AP3B2: variants seen among roughly 807,000 people sequenced by gnomAD.
AP3B2 encodes the protein adaptor related protein complex 3 subunit beta 2.
Under a neutral mutation model 126.9 loss-of-function variants are expected in AP3B2, and 50 were observed. The observed-to-expected ratio is 0.39, with a 90% CI of 0.31 to 0.50. AP3B2 has a LOEUF of 0.50. AP3B2 is among the 20% of genes least tolerant of loss of function. The pLI, the probability that AP3B2 is intolerant of heterozygous loss-of-function variation, is 0.79. For missense variants in AP3B2, 1,177 were observed against 1,426.4 expected, an observed-to-expected ratio of 0.83 and a Z score of 2.82; for synonymous variants, 541 against 565.0, an observed-to-expected ratio of 0.96 and a Z score of 0.60.
chr15:82,697,321 G>A (rs761604547), intron 1 of AP3B2, among the ~76,000 whole-genome samples: 10 of 151,930 alleles, frequency 6.6e-5, no homozygotes, highest in Non-Finnish European at 1.3e-4. Flanking sequence ...GCAACAGAAC[G>A]AGACTCCATC....
chr15:82,693,705 G>T (rs996030141), intron 1 of AP3B2, among the ~76,000 whole-genome samples: 6 of 151,918 alleles, frequency 3.9e-5, no homozygotes, highest in Admixed American at 3.9e-4. Flanking sequence ...TAATTGGTAC[G>T]TTTTTGTTTT....
chr15:82,680,039 C>G lies in AP3B2; in HGVS notation c.1110+136G>C. On this transcript the variant is annotated intron_variant, in intron 9 of 26. Transcript: ENST00000535359. This position sits in a 1 kb window ranked among gnomAD's most constrained non-coding sequence, Gnocchi z 6.1. ...TCCCTATCTGTATTTGGAGCCTCCC[C>G]TGCCCCATCCTCTGCACAGCCAGGG... The G allele has an allele frequency of 7.7e-7, 1 of 1,292,090 alleles. No individual in the cohort carries two copies. Among genetic ancestry groups the G allele is most frequent in the East Asian group, 2.5e-5 (1 of 40,038 alleles). 80.0% of individuals were successfully genotyped at this position (1,292,090 alleles called of 1,614,324 possible).
chr15:82,691,888 G>A, intron 1 of AP3B2: 1 of 1,267,518 alleles, frequency 7.9e-7, no homozygotes, highest in Admixed American at 1.7e-5. Flanking sequence ...GGAATTTAGT[G>A]TCATCCAATT....
intron 4 of AP3B2, chr15:82,686,351 A>G (rs1390645311): frequency 6.6e-6 from 1 of 152,236 alleles, no homozygotes; most frequent in Non-Finnish European, 1.5e-5. Context: ...CTGGATTGAA[A>G]TGATTGGTTC....
chr15:82,689,349 G>A (rs527584345), intron 2 of AP3B2, 29 bp downstream of exon 2: 36 of 1,612,892 alleles, frequency 2.2e-5, no homozygotes, highest in African/African-American at 6.7e-5. Context: ...GGCCCCGCCC[G>A]GAGGGAGGCC....
Position 82,665,310 on chromosome 15 carries a change from G to A in AP3B2, c.1972-7C>T. 2 of 1,572,758 alleles carry A rather than the reference G, an allele frequency of 1.3e-6. No homozygotes were observed. Among genetic ancestry groups the A allele is most frequent in the Non-Finnish European group, 1.7e-6 (2 of 1,166,874 alleles). ...TAAGGGAGAGATCTTCTTCCTGTGT[G>A]TGTGGGGGAGGGTGTTAGGAGGGCT... On this transcript the variant is annotated splice_polypyrimidine_tract_variant and splice_region_variant and intron_variant, in intron 16 of 26. Coordinates refer to ENST00000535359, the MANE Select transcript of AP3B2 (RefSeq NM_001278512.2). This position sits in a 1 kb window ranked among gnomAD's most constrained non-coding sequence, Gnocchi z 4.4.
In AP3B2 at chr15:82,704,826, C is replaced by CGGA. The variant is rs1022371924; in HGVS notation, c.113+4765_113+4767dup. 1.7e-3 allele frequency among the ~76,000 whole-genome samples: 258 copies of CGGA among 152,352 alleles called. 1 individual carries two copies. Among genetic ancestry groups the CGGA allele is most frequent in the African/African-American group, 6.1e-3 (252 of 41,576 alleles). On this transcript the variant is annotated intron_variant, in intron 1 of 26. Coordinates refer to ENST00000535359, the MANE Select transcript of AP3B2 (RefSeq NM_001278512.2). ...AAGTCCGTCCCCTTCTTAATCAATACGGAGGCTACCAACTCCACATTACCT... is the reference window on the plus strand; with the variant it reads ...AAGTCCGTCCCCTTCTTAATCAATACGGAGGAGGCTACCAACTCCACATTACCT...
At position 82,688,786 on chromosome 15, in the gene AP3B2, G is replaced by A; in HGVS notation, c.310C>T (p.Gln104Ter). 1 of 1,613,122 alleles carries A rather than the reference G, an allele frequency of 6.2e-7. No individual in the cohort carries two copies. The highest frequency in any genetic ancestry group is 8.5e-7 in the Non-Finnish European group (1 of 1,179,570). ...ATGGACAGCAGGGCCAGGTCTTGCTGCTCCTCAGCGTAGCGTACCAGGTAC... is the reference window on the plus strand; with the variant it reads ...ATGGACAGCAGGGCCAGGTCTTGCTACTCCTCAGCGTAGCGTACCAGGTAC... The part of the protein sequence containing the change: ...YVYLVRYAEE[Q>*]QDLALLSIST... The change falls in exon 4 of 27, where the codon CAG becomes TAG. Residue 104 changes from glutamine (Q) to a stop codon, truncating the protein, a stop_gained. Coordinates refer to ENST00000535359, the MANE Select transcript of AP3B2 (RefSeq NM_001278512.2). LOFTEE classifies it high-confidence loss of function.
intron 14 of AP3B2, among the ~76,000 whole-genome samples, chr15:82,673,477 G>C (rs113854764): frequency 6.6e-6 from 1 of 152,224 alleles, no homozygotes; most frequent in Non-Finnish European, 1.5e-5. Flanking sequence ...GGCTCCCAAA[G>C]TGCTGGGATT....
intron 1 of AP3B2, among the ~76,000 whole-genome samples, chr15:82,707,988 TTTATG>T (rs2048823508): frequency 6.6e-6 from 1 of 152,044 alleles, no homozygotes; most frequent in Non-Finnish European, 1.5e-5. Flanking sequence ...TCAACACTAT[TTTATG>T]TTATTTTTCT....
chr15:82,704,404 T>C (rs996907859), intron 1 of AP3B2, among the ~76,000 whole-genome samples: 1 of 151,906 alleles, frequency 6.6e-6, no homozygotes, highest in Non-Finnish European at 1.5e-5. Context: ...TTCTGAGTTG[T>C]AGTTCCTTGC....
At chr15:82,695,164 A>G (rs1230592708) in intron 1 of AP3B2, among the ~76,000 whole-genome samples, 1 of 149,306 alleles carries the variant, frequency 6.7e-6, no homozygotes, top group Non-Finnish European at 1.5e-5. Context: ...CAGTGAGGCA[A>G]TCTCGGCTCA....
At chr15:82,694,489 A>G (rs1010329926) in intron 1 of AP3B2, among the ~76,000 whole-genome samples, 4 of 152,104 alleles carry the variant, frequency 2.6e-5, no homozygotes, top group African/African-American at 9.6e-5. Flanking sequence ...AGTTGGGACC[A>G]GCCTGGACAA....
chr15:82,698,313 A>G (rs2048661764), intron 1 of AP3B2, among the ~76,000 whole-genome samples: 1 of 151,442 alleles, frequency 6.6e-6, no homozygotes. Flanking sequence ...CACACAACTC[A>G]CCTACACACC....
intron 26 of AP3B2, 42 bp downstream of exon 26, chr15:82,659,803 G>A: frequency 6.2e-7 from 1 of 1,609,940 alleles, no homozygotes. Flanking sequence ...TCAAACCAGG[G>A]CCCCCATGCT....
intron 1 of AP3B2, among the ~76,000 whole-genome samples, chr15:82,707,892 TC>T (rs2061277274): frequency 1.3e-5 from 2 of 151,992 alleles, no homozygotes; most frequent in Admixed American, 1.3e-4. Context: ...GCCACCCCAA[TC>T]CCGCTCGAAG....
intron 10 of AP3B2, 71 bp from the exon 11 acceptor site, chr15:82,678,238 T>C: frequency 3.6e-6 from 5 of 1,405,188 alleles, no homozygotes; most frequent in Non-Finnish European, 5.0e-6. Flanking sequence ...TCATTCCAAA[T>C]ACACTTCATA....
At position 82,709,640 on chromosome 15, in the gene AP3B2, C is replaced by G; in HGVS notation, c.67G>C (p.Gly23Arg). Residue 23 changes from glycine to arginine, a missense_variant, in exon 1 of 27, where the codon GGC becomes CGC. Physicochemically the swap from Gly to Arg is moderately radical, Grantham distance 125. Coordinates refer to ENST00000535359, the MANE Select transcript of AP3B2 (RefSeq NM_001278512.2). ...ATGCCGCCGCTCGCGGGGTCGTGGC[C>G]GTACTCGGGCTCCCCGGGGCCAGCG... ...GSAGPGEPEYGHDPASGGIFS... is the reference protein window; with the variant it reads ...GSAGPGEPEYRHDPASGGIFS... 6.6e-7 allele frequency: 1 copy of G among 1,521,362 alleles called. No homozygotes were observed. The highest frequency in any genetic ancestry group is 8.8e-7 in the Non-Finnish European group (1 of 1,137,562). The allele number at this position is 1,521,362 out of a possible 1,614,324, so 94.2% of individuals were successfully genotyped here. A position where few individuals can be genotyped will look rare whatever the true frequency, so the allele number is the denominator to read the frequency against.
intron 1 of AP3B2, among the ~76,000 whole-genome samples, chr15:82,693,382 G>A (rs965857288): frequency 6.6e-6 from 1 of 151,734 alleles, no homozygotes; most frequent in African/African-American, 2.4e-5. Flanking sequence ...AAGTAGCTGG[G>A]ATTACAGGCA....
Sources: allele counts gnomAD v4.1 joint callset (sites outside exome capture counted in the v4.1 genomes callset), GRCh38; gene constraint gnomAD v4.1.1; non-coding constraint Gnocchi (gnomAD v3.1); transcripts MANE v1.5; gene names NCBI Gene and HGNC (gene_info 2026-07-23, HGNC 2026-07-21).